The following XKR3 variants were observed in gnomAD, a reference collection of about 807,000 sequenced individuals.
The protein encoded by XKR3 is XK-related protein 3.
Under a neutral mutation model 40.3 loss-of-function variants are expected in XKR3, and 27 were observed. That is an observed-to-expected ratio of 0.67 (90% confidence interval 0.49 to 0.92). The LOEUF (loss-of-function observed/expected upper bound fraction) is 0.92. Among genes scored for constraint, XKR3 ranks in the 40% least tolerant of loss-of-function variants. XKR3 has a pLI of 0.00. For missense variants in XKR3, 472 were observed against 537.6 expected (o/e 0.88, Z 1.21); for synonymous variants, 193 against 195.4 (o/e 0.99, Z 0.10).
At chr22:16,816,471 T>C (rs1177278457) in intron 1 of XKR3, among the ~76,000 whole-genome samples, 1 of 151,884 alleles carries the variant, frequency 6.6e-6, no homozygotes, top group African/African-American at 2.4e-5. Context: ...AGTTAGTTGA[T>C]ATTTTTTTCC....
intron 3 of XKR3, among the ~76,000 whole-genome samples, chr22:16,789,712 C>G (rs1475092697): frequency 6.6e-6 from 1 of 152,044 alleles, no homozygotes; most frequent in Non-Finnish European, 1.5e-5. Flanking sequence ...ACCTGAATAG[C>G]CAAAGCAATC....
chr22:16,797,897 T>C (rs993382863), intron 3 of XKR3, among the ~76,000 whole-genome samples: 6 of 148,784 alleles, frequency 4.0e-5, no homozygotes, highest in Non-Finnish European at 7.5e-5. Context: ...CATAAGTCCA[T>C]GTGCAGTGGC....
At chr22:16,809,442 T>C (rs1255109412) in intron 1 of XKR3, among the ~76,000 whole-genome samples, 1 of 152,240 alleles carries the variant, frequency 6.6e-6, no homozygotes, top group Non-Finnish European at 1.5e-5. Flanking sequence ...TCTCTCATGG[T>C]GCTGAACTTT....
At chr22:16,787,087 G>A (rs1601838623) in intron 3 of XKR3, among the ~76,000 whole-genome samples, 2 of 151,224 alleles carry the variant, frequency 1.3e-5, no homozygotes, top group African/African-American at 4.9e-5. Context: ...AAAAGTTGAA[G>A]ATAAAAACAC....
At chr22:16,817,443 G>A (rs908297370) in intron 1 of XKR3, among the ~76,000 whole-genome samples, 4 of 152,114 alleles carry the variant, frequency 2.6e-5, no homozygotes, top group African/African-American at 9.7e-5. Flanking sequence ...GATGGAGGTT[G>A]AGATATGAAC....
chr22:16,789,057 C>A (rs749147727), intron 3 of XKR3, among the ~76,000 whole-genome samples: 90 of 152,230 alleles, frequency 5.9e-4, no homozygotes, highest in Non-Finnish European at 1.0e-3. Flanking sequence ...CCATAGCTAA[C>A]ATCACACTCA....
At chr22:16,812,215 T>C (rs1396939466) in intron 1 of XKR3, among the ~76,000 whole-genome samples, 1 of 152,352 alleles carries the variant, frequency 6.6e-6, no homozygotes, top group East Asian at 1.9e-4. Flanking sequence ...TTTCCAGTTG[T>C]TCACTTCCCT....
rs2060197556 is a variant in XKR3 at position 16,807,996 on chromosome 22, G to C, written c.78C>G (p.Gly26=). 6.2e-7 allele frequency: 1 copy of C among 1,613,788 alleles called. No individual in the cohort carries two copies. The change falls in exon 2 of 4, where the codon GGC becomes GGG. Residue 26 remains glycine (G), a synonymous_variant. Coordinates refer to ENST00000684488, the MANE Select transcript of XKR3 (RefSeq NM_001386955.1). ...VSSSKEEIVL[G]QRLHLSFPFS... Reference sequence around the variant, plus strand: ...AAGGAAAGCTTAGATGGAGTCTCTGGCCAAGGACTATTTCTTCTTTCGAAG... The same window carrying C: ...AAGGAAAGCTTAGATGGAGTCTCTGCCCAAGGACTATTTCTTCTTTCGAAG...
intron 3 of XKR3, among the ~76,000 whole-genome samples, chr22:16,793,262 T>C (rs915693048): frequency 9.2e-5 from 14 of 152,230 alleles, no homozygotes; most frequent in African/African-American, 3.4e-4. Context: ...TCTGTCCGCC[T>C]CGGCCTCCCA....
intron 3 of XKR3, among the ~76,000 whole-genome samples, chr22:16,797,406 T>C (rs1229980248): frequency 3.3e-5 from 5 of 152,188 alleles, no homozygotes; most frequent in Non-Finnish European, 5.9e-5. Flanking sequence ...TGGGAGAAGA[T>C]ATTTGCAAAC....
chr22:16,797,341 G>A (rs1460118439), intron 3 of XKR3, among the ~76,000 whole-genome samples: 1 of 152,088 alleles, frequency 6.6e-6, no homozygotes, highest in African/African-American at 2.4e-5. Flanking sequence ...TTAAACTAAA[G>A]GTTTTCCGCA....
chr22:16,811,016 C>A (rs2060210144), intron 1 of XKR3, among the ~76,000 whole-genome samples: 1 of 151,992 alleles, frequency 6.6e-6, no homozygotes, highest in Non-Finnish European at 1.5e-5. Flanking sequence ...AATGTAAGTT[C>A]TATCAGTACA....
At chr22:16,786,559 G>A (rs2060091661) in intron 3 of XKR3, among the ~76,000 whole-genome samples, 1 of 152,144 alleles carries the variant, frequency 6.6e-6, no homozygotes, top group Non-Finnish European at 1.5e-5. Flanking sequence ...GGAAGACCAT[G>A]GCAGCTGCAT....
At chr22:16,817,392 G>T (rs1281344062) in intron 1 of XKR3, among the ~76,000 whole-genome samples, 2 of 151,858 alleles carry the variant, frequency 1.3e-5, no homozygotes, top group Non-Finnish European at 2.9e-5. Context: ...TATCTTGTAC[G>T]TAATATAAAA....
intron 3 of XKR3, among the ~76,000 whole-genome samples, chr22:16,792,533 T>G (rs1372465423): frequency 6.6e-6 from 1 of 152,252 alleles, no homozygotes; most frequent in Non-Finnish European, 1.5e-5. Context: ...TTTGTTTTAC[T>G]GCTGAAGGTC....
chr22:16,802,265 A>AGTT (rs889333019), intron 2 of XKR3, among the ~76,000 whole-genome samples: 4 of 152,204 alleles, frequency 2.6e-5, no homozygotes, highest in Non-Finnish European at 4.4e-5. Flanking sequence ...AATAGAAAAC[A>AGTT]GTTTTTCTCC....
chr22:16,784,227 C>T lies in XKR3; in HGVS notation c.772G>A (p.Ala258Thr), dbSNP rs1425244249. The change falls in exon 4 of 4, where the codon GCA becomes ACA. Residue 258 changes from alanine (A) to threonine (T), a missense_variant. Physicochemically the swap from Ala to Thr is moderately conservative, Grantham distance 58. Transcript: ENST00000684488. ...SRVVTLAFFIASLKLKSLPVL... is the reference protein window; with the variant it reads ...SRVVTLAFFITSLKLKSLPVL... ...GGTAGGCTCTTCAGTTTCAGAGATG[C>T]AATGAAAAATGCCAGAGTCACTACA... The T allele has an allele frequency of 1.1e-5, 18 of 1,613,998 alleles. No homozygotes were observed. The highest frequency in any genetic ancestry group is 1.7e-5 in the Admixed American group (1 of 59,992).
intron 3 of XKR3, among the ~76,000 whole-genome samples, chr22:16,786,848 G>C (rs1183663748): frequency 1.3e-5 from 2 of 152,132 alleles, no homozygotes; most frequent in Non-Finnish European, 2.9e-5. Context: ...ACAATGCATA[G>C]TCACAAAGAT....
intron 1 of XKR3, among the ~76,000 whole-genome samples, chr22:16,809,455 C>A (rs1164062774): frequency 6.6e-6 from 1 of 152,152 alleles, no homozygotes; most frequent in Admixed American, 6.5e-5. Flanking sequence ...TGAACTTTTT[C>A]TCTGCTTTTA....
Sources: allele counts gnomAD v4.1 joint callset (sites outside exome capture counted in the v4.1 genomes callset), GRCh38; gene constraint gnomAD v4.1.1; transcripts MANE v1.5; gene names NCBI Gene and HGNC (gene_info 2026-07-23, HGNC 2026-07-21).